HDAC4: variants seen among roughly 807,000 people sequenced by gnomAD.
The protein encoded by HDAC4 is histone deacetylase A.
A neutral mutation model predicts 135.1 loss-of-function variants in HDAC4; 16 were observed. The observed-to-expected ratio is 0.12, with a 90% CI of 0.08 to 0.18. HDAC4 has a LOEUF of 0.18. HDAC4 is among the 10% of genes least tolerant of loss of function. The pLI is 1.00. For missense variants in HDAC4, 1,143 were observed against 1,511.8 expected (o/e 0.76, Z 4.05); for synonymous variants, 685 against 653.4 (o/e 1.05, Z -0.74).
chr2:239,237,938 A>G (rs1006537340), intron 2 of HDAC4, among the ~76,000 whole-genome samples: 1 of 152,254 alleles, frequency 6.6e-6, no homozygotes, highest in African/African-American at 2.4e-5. Flanking sequence ...GACACTGGGC[A>G]TATTCGGAGG....
chr2:239,053,257 C>A, intron 26 of HDAC4, 121 bp from the exon 27 acceptor site: 1 of 1,394,782 alleles, frequency 7.2e-7, no homozygotes, highest in Non-Finnish European at 1.0e-6. Context: ...CCTGGCCTGG[C>A]AGCCCCGGGT....
chr2:239,359,461 C>A (rs1031486425), intron 1 of HDAC4, among the ~76,000 whole-genome samples: 2 of 152,190 alleles, frequency 1.3e-5, no homozygotes, highest in Admixed American at 6.5e-5. Flanking sequence ...GTGTCCTCTG[C>A]GCTGAGGGAA....
chr2:239,097,176 C>G (rs1247590793), intron 16 of HDAC4, among the ~76,000 whole-genome samples: 2 of 152,376 alleles, frequency 1.3e-5, no homozygotes, highest in East Asian at 1.9e-4. Context: ...CTCCACCTGG[C>G]CTGGCTCCAA....
intron 12 of HDAC4, among the ~76,000 whole-genome samples, chr2:239,126,071 A>G (rs1243116095): frequency 1.3e-5 from 2 of 152,248 alleles, no homozygotes; most frequent in African/African-American, 4.8e-5. Flanking sequence ...AAACCCAAGA[A>G]AAAAGTGTTG....
At chr2:239,072,375 G>C (rs1471223754) in intron 22 of HDAC4, among the ~76,000 whole-genome samples, 1 of 152,170 alleles carries the variant, frequency 6.6e-6, no homozygotes, top group Non-Finnish European at 1.5e-5. Flanking sequence ...ATTCCCACTT[G>C]TGCTGTGAGC....
intron 5 of HDAC4, 82 bp from the exon 6 acceptor site, chr2:239,164,005 G>A: frequency 1.9e-6 from 3 of 1,560,440 alleles, no homozygotes; most frequent in East Asian, 2.2e-5. Context: ...GCCACAGAGG[G>A]AGGGAAGGGC....
chr2:239,236,117 G>A (rs2047873213), intron 3 of HDAC4, among the ~76,000 whole-genome samples: 1 of 151,794 alleles, frequency 6.6e-6, no homozygotes, highest in Non-Finnish European at 1.5e-5. Flanking sequence ...ACTTTTTTTT[G>A]TTAAAGAGCT....
chr2:239,106,571 C>T (rs541643059), intron 15 of HDAC4, among the ~76,000 whole-genome samples: 1 of 152,264 alleles, frequency 6.6e-6, no homozygotes, highest in South Asian at 2.1e-4. Flanking sequence ...AGTGGCTCCT[C>T]CCCGCCTTCC....
intron 2 of HDAC4, among the ~76,000 whole-genome samples, chr2:239,279,003 G>A (rs370340745): frequency 8.5e-5 from 13 of 152,198 alleles, no homozygotes; most frequent in African/African-American, 2.4e-4. Context: ...CTATGCTGCC[G>A]GCAGGACTGA....
At chr2:239,081,733 C>T (rs547765309) in intron 21 of HDAC4, among the ~76,000 whole-genome samples, 12 of 152,342 alleles carry the variant, frequency 7.9e-5, no homozygotes, top group East Asian at 3.9e-4. Context: ...CATGCAGCCC[C>T]GCGCCGGGCA....
chr2:239,273,541 G>A (rs926615527), intron 2 of HDAC4, among the ~76,000 whole-genome samples: 5 of 152,200 alleles, frequency 3.3e-5, no homozygotes, highest in African/African-American at 1.2e-4. Context: ...CCCCCAGGAA[G>A]GAAGGAATGA....
intron 20 of HDAC4, among the ~76,000 whole-genome samples, chr2:239,082,636 C>T (rs1390824886): frequency 3.3e-5 from 5 of 152,250 alleles, no homozygotes; most frequent in Admixed American, 6.5e-5. Flanking sequence ...AGGTCACTGG[C>T]TGTGGCCTGC....
intron 17 of HDAC4, 33 bp from the exon 18 acceptor site, chr2:239,090,149 C>G (rs1363308717): frequency 6.7e-7 from 1 of 1,488,030 alleles, no homozygotes; most frequent in South Asian, 1.1e-5. Context: ...TGAGGTCACC[C>G]TCCCAGGCCA....
At chr2:239,197,312 C>T (rs139490255) in intron 3 of HDAC4, among the ~76,000 whole-genome samples, 32 of 152,306 alleles carry the variant, frequency 2.1e-4, no homozygotes, top group Non-Finnish European at 4.0e-4. Context: ...ATGGGCGCCA[C>T]GTGATGCTGC....
In HDAC4 at chr2:239,240,852, C is replaced by T. The variant is rs1005375907; in HGVS notation, c.23-4188G>A. ...CCTGAACTGAGCATTGTTTGAGACTCGGAGTCCGCCCATGGGAGGAACAGG... is the reference window on the plus strand; with the variant it reads ...CCTGAACTGAGCATTGTTTGAGACTTGGAGTCCGCCCATGGGAGGAACAGG... On this transcript the variant is annotated intron_variant, in intron 2 of 26. Coordinates refer to ENST00000543185, the MANE Select transcript of HDAC4 (RefSeq NM_001378414.1). The surrounding 1 kb of genome is among the most constrained non-coding windows in gnomAD (Gnocchi z 4.5). 1.3e-5 allele frequency among the ~76,000 whole-genome samples: 2 copies of T among 152,190 alleles called. No homozygotes were observed. The highest frequency in any genetic ancestry group is 1.3e-4 in the Admixed American group (2 of 15,276).
intron 16 of HDAC4, among the ~76,000 whole-genome samples, chr2:239,101,012 T>C (rs917989633): frequency 2.6e-5 from 4 of 152,190 alleles, no homozygotes; most frequent in Admixed American, 1.3e-4. Flanking sequence ...AGTGCCTCCC[T>C]GAGTCCATAG....
chr2:239,170,211 T>A (rs1417946146), intron 5 of HDAC4, among the ~76,000 whole-genome samples: 2 of 152,216 alleles, frequency 1.3e-5, no homozygotes, highest in African/African-American at 4.8e-5. Context: ...ATATATCTAG[T>A]CTGAAATAGC....
chr2:239,086,087 G>A (rs1274647163), intron 19 of HDAC4, among the ~76,000 whole-genome samples: 2 of 26,968 alleles, frequency 7.4e-5, no homozygotes, highest in Non-Finnish European at 1.3e-4. Context: ...TATCTCGCAC[G>A]TAGTCTCTTC....
At position 239,081,181 on chromosome 2, in the gene HDAC4, C is replaced by T. The variant is rs778412561; in HGVS notation, c.2664G>A (p.Gly888=). ...TGTTGACGTTGAAACCCACGCCGGG[C>T]CCTGTGCCCACCTGTGGCCAGAAGG... The part of the protein sequence containing the change: ...GSGAPDEVGT[G]PGVGFNVNMA... The change falls in exon 22 of 27, where the codon GGG becomes GGA. Residue 888 remains glycine (G), a synonymous_variant. Transcript: ENST00000543185. 6.2e-7 allele frequency: 1 copy of T among 1,613,290 alleles called. No homozygotes were observed. Among genetic ancestry groups the T allele is most frequent in the Non-Finnish European group, 8.5e-7 (1 of 1,179,824 alleles).
Sources: gnomAD v4.1 joint callset for allele counts (sites outside exome capture counted in the v4.1 genomes callset) on GRCh38, gnomAD v4.1.1 for gene constraint, Gnocchi (gnomAD v3.1) non-coding constraint, MANE v1.5 for transcripts, NCBI Gene and HGNC (gene_info 2026-07-23, HGNC 2026-07-21) for gene names.